PRICKLE2: variants seen among roughly 807,000 people sequenced by gnomAD.
PRICKLE2 encodes prickle-like protein 2.
A neutral mutation model predicts 81.4 loss-of-function variants in PRICKLE2; 21 were observed. That is an observed-to-expected ratio of 0.26 (90% CI 0.18 to 0.37). The LOEUF is 0.37. Among genes scored for constraint, PRICKLE2 ranks in the 10% least tolerant of loss-of-function variants. The pLI is 1.00. For missense variants in PRICKLE2, 940 were observed against 1,109.0 expected (o/e 0.85, Z 2.16); for synonymous variants, 456 against 421.5 (o/e 1.08, Z -1.00).
intron 1 of PRICKLE2, among the ~76,000 whole-genome samples, chr3:64,222,764 T>A (rs916592692): frequency 6.6e-6 from 1 of 152,168 alleles, no homozygotes; most frequent in Non-Finnish European, 1.5e-5. Flanking sequence ...ATGCTCAATA[T>A]CTGCACTGAA....
chr3:64,250,764 C>T (rs1481600811), intron 2 of PRICKLE2, among the ~76,000 whole-genome samples: 3 of 152,190 alleles, frequency 2.0e-5, no homozygotes, highest in Non-Finnish European at 4.4e-5. Context: ...CCCTTCCTAG[C>T]ACAGAGTGAA....
At chr3:64,169,214 T>C (rs986082457) in intron 2 of PRICKLE2, among the ~76,000 whole-genome samples, 1 of 152,150 alleles carries the variant, frequency 6.6e-6, no homozygotes, top group African/African-American at 2.4e-5. Flanking sequence ...CTGTCTGGAA[T>C]GTAAACACAA....
intron 7 of PRICKLE2, among the ~76,000 whole-genome samples, chr3:64,119,060 G>A (rs1256042772): frequency 1.3e-5 from 2 of 152,120 alleles, no homozygotes; most frequent in South Asian, 4.1e-4. Context: ...ATGAGATCAC[G>A]TCCCTTACAG....
At chr3:64,210,568 G>A (rs939952421) in intron 1 of PRICKLE2, among the ~76,000 whole-genome samples, 8 of 152,172 alleles carry the variant, frequency 5.3e-5, no homozygotes, top group Non-Finnish European at 1.0e-4. Context: ...GCACCAAGAA[G>A]TGCTTCTCTC....
chr3:64,190,262 T>C (rs972316899), intron 2 of PRICKLE2: 15 of 152,132 alleles, frequency 9.9e-5, no homozygotes, highest in African/African-American at 3.6e-4. Context: ...TCTGAAGCTG[T>C]TTTTTTGTTT....
chr3:64,225,426 G>A lies in PRICKLE2; in HGVS notation c.-557C>T, dbSNP rs697287. Reference sequence around the variant, plus strand: ...TGGTCAAAAAATAATAATAACTCTCGGTGGCGCTGCTGGTGGTGCCTGAGA... The same window carrying A: ...TGGTCAAAAAATAATAATAACTCTCAGTGGCGCTGCTGGTGGTGCCTGAGA... On this transcript the variant is annotated 5_prime_UTR_variant, in exon 1 of 8. Transcript: ENST00000638394. The A allele has an allele frequency of 0.14, 133,229 of 984,844 alleles. 10,176 individuals carry two copies. The highest frequency in any genetic ancestry group is 0.37 in the East Asian group (3,271 of 8,730). The allele number at this position is 984,844 out of a possible 1,614,324, so 61.0% of individuals were successfully genotyped here.
intron 7 of PRICKLE2, chr3:64,100,703 T>C (rs957123065): frequency 1.3e-5 from 2 of 152,218 alleles, no homozygotes; most frequent in Non-Finnish European, 2.9e-5. Context: ...GACCTCCATT[T>C]CTTAACTGCT....
At chr3:64,126,953 T>C (rs1270794818) in intron 7 of PRICKLE2, among the ~76,000 whole-genome samples, 1 of 152,178 alleles carries the variant, frequency 6.6e-6, no homozygotes, top group African/African-American at 2.4e-5. Context: ...TCGCAAATAG[T>C]TCGTGAATGC....
At chr3:64,106,742 T>C (rs2076761903) in intron 7 of PRICKLE2, among the ~76,000 whole-genome samples, 1 of 152,208 alleles carries the variant, frequency 6.6e-6, no homozygotes, top group Non-Finnish European at 1.5e-5. Context: ...TCTTTTCTTG[T>C]TGTTTAAGCC....
chr3:64,221,462 C>T (rs2078953148), intron 1 of PRICKLE2, among the ~76,000 whole-genome samples: 1 of 151,450 alleles, frequency 6.6e-6, no homozygotes, highest in East Asian at 1.9e-4. Context: ...CACACACGCA[C>T]ACACACAGCA....
At chr3:64,267,396 T>A (rs917255377) in intron 2 of PRICKLE2, among the ~76,000 whole-genome samples, 1 of 151,024 alleles carries the variant, frequency 6.6e-6, no homozygotes, top group African/African-American at 2.4e-5. Context: ...AAACAACTTT[T>A]ATCTTTTCGG....
At chr3:64,163,983 C>T (rs966704086) in intron 2 of PRICKLE2, 1 of 149,568 alleles carries the variant, frequency 6.7e-6, no homozygotes, top group African/African-American at 2.5e-5. Flanking sequence ...ATGGAAAATA[C>T]TCTCAAGTAT....
chr3:64,188,345 T>A (rs1458360215), intron 2 of PRICKLE2, among the ~76,000 whole-genome samples: 1 of 152,230 alleles, frequency 6.6e-6, no homozygotes, highest in Non-Finnish European at 1.5e-5. Context: ...TGTGGCCTCA[T>A]CTATTCCTAG....
intron 7 of PRICKLE2, among the ~76,000 whole-genome samples, chr3:64,131,999 A>C (rs1038427115): frequency 1.3e-5 from 2 of 152,184 alleles, no homozygotes; most frequent in Non-Finnish European, 2.9e-5. Context: ...TAATCTCAAC[A>C]CACTGGCCTC....
chr3:64,164,869 T>C (rs2077801899), intron 2 of PRICKLE2, among the ~76,000 whole-genome samples: 1 of 152,188 alleles, frequency 6.6e-6, no homozygotes, highest in Admixed American at 6.5e-5. Flanking sequence ...ATTTGCCTAT[T>C]AGAGACTTGC....
At chr3:64,189,089 C>CA (rs1490808332) in intron 2 of PRICKLE2, among the ~76,000 whole-genome samples, 1 of 152,182 alleles carries the variant, frequency 6.6e-6, no homozygotes, top group Non-Finnish European at 1.5e-5. Context: ...AGTTGGCACT[C>CA]AAAAAATATT....
At chr3:64,258,814 ACT>A (rs1180363480) in intron 2 of PRICKLE2, among the ~76,000 whole-genome samples, 1 of 129,516 alleles carries the variant, frequency 7.7e-6, no homozygotes, top group Non-Finnish European at 1.6e-5. Context: ...ACAGAGCAAG[ACT>A]CTGTCTCAAA....
intron 2 of PRICKLE2, among the ~76,000 whole-genome samples, chr3:64,241,097 C>T (rs998275197): frequency 2.0e-5 from 3 of 152,222 alleles, no homozygotes; most frequent in African/African-American, 4.8e-5. Context: ...CTCAACTCTG[C>T]TGTCATAGAA....
rs56262708 is a variant in PRICKLE2, at chr3:64,096,604, C to T, written c.*2447G>A. ...GCTAGTAGACAGTTTTACCCTGAAGCTTGTATGTCATTTCATCTCAAGCTC... is the reference window on the plus strand; with the variant it reads ...GCTAGTAGACAGTTTTACCCTGAAGTTTGTATGTCATTTCATCTCAAGCTC... On this transcript the variant is annotated 3_prime_UTR_variant, in exon 8 of 8. Transcript: ENST00000638394. 11,332 of 152,256 alleles carry T rather than the reference C, an allele frequency of 0.074. 587 individuals are homozygous for T. Among genetic ancestry groups the T allele is most frequent in the Non-Finnish European group, 0.11 (7,679 of 68,018 alleles). The allele number at this position is 152,256 out of a possible 1,614,324, so 9.4% of individuals were successfully genotyped here.
Sources: gnomAD v4.1 joint callset for allele counts (sites outside exome capture counted in the v4.1 genomes callset) on GRCh38, gnomAD v4.1.1 for gene constraint, MANE v1.5 for transcripts, NCBI Gene and HGNC (gene_info 2026-07-23, HGNC 2026-07-21) for gene names.